The following SLC8A3 variants were observed in gnomAD, a reference collection of about 807,000 sequenced individuals.
SLC8A3 encodes the protein solute carrier family 8 member A3.
SLC8A3 carries 37 observed loss-of-function variants against 65.4 expected under a neutral mutation model. The observed-to-expected ratio is 0.57, with a 90% CI of 0.44 to 0.74. The LOEUF (loss-of-function observed/expected upper bound fraction) is 0.74, where lower values mean the gene tolerates loss of function less well. SLC8A3 is among the 30% of genes least tolerant of loss of function. The pLI, the probability that SLC8A3 is intolerant of heterozygous loss-of-function variation, is 0.00. For missense variants in SLC8A3, 1,112 were observed against 1,172.1 expected (o/e 0.95, Z 0.75); for synonymous variants, 461 against 444.5 (o/e 1.04, Z -0.47).
At chr14:70,074,652 G>A (rs1022878586) in intron 2 of SLC8A3, among the ~76,000 whole-genome samples, 2 of 152,202 alleles carry the variant, frequency 1.3e-5, no homozygotes, top group African/African-American at 4.8e-5. Context: ...ATATAGAACA[G>A]ACAGGCATAG....
At chr14:70,186,150 A>G (rs947440024) in intron 1 of SLC8A3, among the ~76,000 whole-genome samples, 9 of 152,088 alleles carry the variant, frequency 5.9e-5, no homozygotes, top group African/African-American at 1.9e-4. Flanking sequence ...TTCTCACAAG[A>G]TCTGATGGCT....
intron 2 of SLC8A3, among the ~76,000 whole-genome samples, chr14:70,102,305 T>A (rs926507611): frequency 6.6e-5 from 10 of 152,184 alleles, no homozygotes; most frequent in Admixed American, 6.5e-5. Context: ...TAACAAAGAA[T>A]AAGATCAAGT....
rs558130977 is a variant in SLC8A3 at position 70,081,022 on chromosome 14, T to A, written c.1785-20083A>T. On this transcript the variant is annotated intron_variant, in intron 2 of 6. Transcript: ENST00000356921. ...TCCAAATCTAATGTTCTTTCCAGTA[T>A]ACCAATGGTTACCAAAACTAATTAT... 3.3e-5 allele frequency among the ~76,000 whole-genome samples: 5 copies of A among 152,366 alleles called. No homozygotes were observed. In the South Asian group the frequency reaches 1.0e-3, roughly 32 times the overall value.
chr14:70,090,574 C>A (rs1440304070), intron 2 of SLC8A3, among the ~76,000 whole-genome samples: 1 of 152,182 alleles, frequency 6.6e-6, no homozygotes, highest in Non-Finnish European at 1.5e-5. Context: ...CTTCATGAAT[C>A]TAATCATATT....
chr14:70,077,387 C>T (rs1215235467), intron 2 of SLC8A3, among the ~76,000 whole-genome samples: 1 of 152,184 alleles, frequency 6.6e-6, no homozygotes, highest in Non-Finnish European at 1.5e-5. Flanking sequence ...AATGCCTTTT[C>T]AGGGTAACAT....
chr14:70,176,628 G>T (rs61978206), intron 1 of SLC8A3, among the ~76,000 whole-genome samples: 8,702 of 152,186 alleles, frequency 0.057, 368 homozygotes, highest in Non-Finnish European at 0.086. Context: ...CGCACAAATG[G>T]GTACCACAAG....
intron 2 of SLC8A3, among the ~76,000 whole-genome samples, chr14:70,099,797 C>T (rs1219054458): frequency 1.3e-5 from 2 of 152,134 alleles, no homozygotes; most frequent in Non-Finnish European, 2.9e-5. Context: ...ACAATGCTTC[C>T]CATGGGTGCA....
rs528294794 is a variant in SLC8A3 at position 70,126,612 on chromosome 14, C to A, written c.1784+40027G>T. On this transcript the variant is annotated intron_variant, in intron 2 of 6. Transcript: ENST00000356921. ...CACACACACACACACACACTTAGAA[C>A]AAATTTGGGGCCCTAATAGTAAGAC... Among the ~76,000 whole-genome samples, 8 of 144,268 alleles carry A rather than the reference C, an allele frequency of 5.5e-5. No individual in the cohort carries two copies. The East Asian group carries it at 1.2e-3, about 22-fold the overall frequency. 94.6% of individuals were successfully genotyped at this position (144,268 alleles called of 152,430 possible). A position where few individuals can be genotyped will look rare whatever the true frequency, so the allele number is the denominator to read the frequency against.
chr14:70,046,380 G>T lies in SLC8A3; in HGVS notation c.2390-57C>A. The stretch of plus-strand genomic sequence containing the variant: ...TAGGAGGCTAAGGTGTGCAGGGCTT[G>T]TCTTCCAGTATGCCCAAAAAGCAGC... On this transcript the variant is annotated intron_variant, in intron 6 of 6. Transcript: ENST00000356921. The surrounding 1 kb of genome is among the most constrained non-coding windows in gnomAD (Gnocchi z 4.2). 1 of 1,518,494 alleles carries T rather than the reference G, an allele frequency of 6.6e-7. No homozygotes were observed. Among genetic ancestry groups the T allele is most frequent in the South Asian group, 1.3e-5 (1 of 77,564 alleles). The allele number at this position is 1,518,494 out of a possible 1,614,324, so 94.1% of individuals were successfully genotyped here. A position where few individuals can be genotyped will look rare whatever the true frequency, so the allele number is the denominator to read the frequency against.
At chr14:70,118,965 C>G (rs1458612294) in intron 2 of SLC8A3, among the ~76,000 whole-genome samples, 2 of 152,182 alleles carry the variant, frequency 1.3e-5, no homozygotes, top group African/African-American at 4.8e-5. Flanking sequence ...TACTGCTCAT[C>G]TGAAACCTCT....
chr14:70,164,811 A>G (rs546734830), intron 2 of SLC8A3, among the ~76,000 whole-genome samples: 1 of 152,304 alleles, frequency 6.6e-6, no homozygotes, highest in East Asian at 1.9e-4. Context: ...CATCGCGATA[A>G]TCATGTGAAA....
At position 70,058,039 on chromosome 14, in the gene SLC8A3, C is replaced by CT. The variant is rs1164999048; in HGVS notation, c.1888+2796dup. ...CAACTGTGTTTCCTATTCAGTCTCC[C>CT]TTTTTTCCTTCCCTTTTTTCCATCC... On this transcript the variant is annotated intron_variant, in intron 3 of 6. Coordinates refer to ENST00000356921, the MANE Select transcript of SLC8A3 (RefSeq NM_182932.3). Among the ~76,000 whole-genome samples the CT allele has an allele frequency of 2.6e-5, 4 of 152,304 alleles. 1 individual carries two copies. In the South Asian group the frequency reaches 8.3e-4, roughly 32 times the overall value.
intron 2 of SLC8A3, among the ~76,000 whole-genome samples, chr14:70,163,897 G>C (rs1292908020): frequency 2.6e-5 from 4 of 152,094 alleles, no homozygotes; most frequent in African/African-American, 9.7e-5. Flanking sequence ...CATGACTGCA[G>C]AAGATATTCT....
intron 2 of SLC8A3, among the ~76,000 whole-genome samples, chr14:70,147,496 C>T (rs1323479430): frequency 6.6e-6 from 1 of 152,082 alleles, no homozygotes. Flanking sequence ...TGATTATTTG[C>T]CATGATTATG....
intron 2 of SLC8A3, among the ~76,000 whole-genome samples, chr14:70,075,898 C>T (rs1890469994): frequency 6.6e-6 from 1 of 152,134 alleles, no homozygotes; most frequent in Admixed American, 6.5e-5. Flanking sequence ...TGAGGTGCCC[C>T]ATCCCAGAGT....
intron 2 of SLC8A3, among the ~76,000 whole-genome samples, chr14:70,063,636 G>A (rs1889068048): frequency 1.3e-5 from 2 of 152,162 alleles, no homozygotes; most frequent in African/African-American, 4.8e-5. Context: ...ACAGAGCTGG[G>A]GGCAGAGAGA....
chr14:70,051,096 G>A lies in SLC8A3; in HGVS notation c.2025C>T (p.Asp675=). 7 of 1,611,880 alleles carry A rather than the reference G, an allele frequency of 4.3e-6. No homozygotes were observed. Among genetic ancestry groups the A allele is most frequent in the Middle Eastern group, 1.7e-4 (1 of 6,052 alleles). The stretch of plus-strand genomic sequence containing the variant: ...CCAGGTTTGTCTTCTTGATCAGTTT[G>A]TCCACCGTAGTCTGTTAAGAAGAGA... ...EESYEFKTTV[D]KLIKKTNLAL... is the part of the protein sequence containing the mutation. The change falls in exon 5 of 7, where the codon GAC becomes GAT. Residue 675 remains aspartate (D), a synonymous_variant. Coordinates refer to ENST00000356921, the MANE Select transcript of SLC8A3 (RefSeq NM_182932.3).
intron 2 of SLC8A3, among the ~76,000 whole-genome samples, chr14:70,076,428 C>CGCAA (rs1566760753): frequency 6.6e-6 from 1 of 152,172 alleles, no homozygotes; most frequent in African/African-American, 2.4e-5. Context: ...ATAGACCACA[C>CGCAA]GCAATATATA....
At chr14:70,052,216 C>T (rs1443411287) in intron 3 of SLC8A3, 102 bp from the exon 4 acceptor site, 8 of 1,396,434 alleles carry the variant, frequency 5.7e-6, no homozygotes, top group East Asian at 2.6e-5. Context: ...AAGCAAATAA[C>T]TCTTGGGAAT....
Sources: gnomAD v4.1 joint callset for allele counts (sites outside exome capture counted in the v4.1 genomes callset) on GRCh38, gnomAD v4.1.1 for gene constraint, Gnocchi (gnomAD v3.1) non-coding constraint, MANE v1.5 for transcripts, NCBI Gene and HGNC (gene_info 2026-07-23, HGNC 2026-07-21) for gene names.